The following MTA3 variants were observed in gnomAD, a reference collection of about 807,000 sequenced individuals.
MTA3 encodes metastasis-associated protein MTA3.
MTA3 carries 34 observed loss-of-function variants against 83.5 expected under a neutral mutation model. The ratio of observed to expected loss-of-function variants is 0.41; its 90% CI spans 0.31 to 0.54. MTA3 has a LOEUF of 0.54. MTA3 is among the 20% of genes least tolerant of loss of function. The pLI is 0.33. For synonymous variants in MTA3, 303 were observed against 252.7 expected, an observed-to-expected ratio of 1.20 and a Z score of -1.89; for missense variants, 761 against 726.4, an observed-to-expected ratio of 1.05 and a Z score of -0.55.
chr2:42,499,171 CTT>C (rs112147672), intron 2 of MTA3, among the ~76,000 whole-genome samples: 2 of 144,602 alleles, frequency 1.4e-5, no homozygotes. Flanking sequence ...GAGGGTAGAT[CTT>C]TTTTTTTTTT....
At chr2:42,539,083 T>C (rs1349283966) in intron 2 of MTA3, among the ~76,000 whole-genome samples, 12 of 152,004 alleles carry the variant, frequency 7.9e-5, no homozygotes, top group Admixed American at 5.9e-4. Context: ...CTGAAAAAAA[T>C]GTTATAAGTG....
intron 8 of MTA3, among the ~76,000 whole-genome samples, chr2:42,673,884 A>G (rs1691078427): frequency 6.6e-6 from 1 of 152,246 alleles, no homozygotes; most frequent in Non-Finnish European, 1.5e-5. Context: ...TGTCTTATTC[A>G]CAACACTTCT....
intron 8 of MTA3, among the ~76,000 whole-genome samples, chr2:42,667,409 A>C (rs184711146): frequency 1.3e-5 from 2 of 151,948 alleles, no homozygotes; most frequent in African/African-American, 2.4e-5. Flanking sequence ...CTAACTCTCC[A>C]TCCCCTCTGC....
In MTA3 at chr2:42,541,313, G is replaced by C. The variant is rs182286936; in HGVS notation, c.-140-29124G>C. On this transcript the variant is annotated intron_variant, in intron 2 of 17. Coordinates refer to the MTA3 transcript ENST00000405592. Reference sequence around the variant, plus strand: ...CCCAGAGTGCTGGGATTACAGGCGTGAGCCACTGCGCCCAGCCCAAATTTT... The same window carrying C: ...CCCAGAGTGCTGGGATTACAGGCGTCAGCCACTGCGCCCAGCCCAAATTTT... Among the ~76,000 whole-genome samples, 4 of 152,200 alleles carry C rather than the reference G, an allele frequency of 2.6e-5. No homozygotes were observed. In the East Asian group the frequency reaches 7.7e-4, roughly 29 times the overall value.
At chr2:42,504,378 T>C (rs576412039) in intron 2 of MTA3, among the ~76,000 whole-genome samples, 1 of 152,272 alleles carries the variant, frequency 6.6e-6, no homozygotes, top group South Asian at 2.1e-4. Flanking sequence ...TAGCTGGGAT[T>C]ACAGGCATGC....
intron 11 of MTA3, among the ~76,000 whole-genome samples, chr2:42,702,072 G>A (rs1024248377): frequency 1.3e-4 from 19 of 151,922 alleles, no homozygotes; most frequent in East Asian, 1.9e-4. Flanking sequence ...TTAGGCAGGC[G>A]TGGTGGCAGG....
At chr2:42,676,464 T>G (rs1288621953) in intron 8 of MTA3, among the ~76,000 whole-genome samples, 1 of 152,136 alleles carries the variant, frequency 6.6e-6, no homozygotes, top group Non-Finnish European at 1.5e-5. Flanking sequence ...GAGCCCCTGT[T>G]AATTATAAAA....
At chr2:42,591,215 T>A (rs943477018) in intron 3 of MTA3, among the ~76,000 whole-genome samples, 2 of 152,170 alleles carry the variant, frequency 1.3e-5, no homozygotes, top group South Asian at 4.1e-4. Flanking sequence ...TATGCAGGTG[T>A]TACCCAATTT....
At chr2:42,680,553 C>T (rs1691786340) in intron 8 of MTA3, among the ~76,000 whole-genome samples, 1 of 152,152 alleles carries the variant, frequency 6.6e-6, no homozygotes, top group Non-Finnish European at 1.5e-5. Flanking sequence ...AGAACTAGTT[C>T]TCACTTGGGC....
At position 42,641,579 on chromosome 2, in the gene MTA3, G is replaced by T. The variant is rs549986175; in HGVS notation, c.381+1343G>T. Reference sequence around the variant, plus strand: ...TTTTTTTTTTTCGGCCGAACGTGGTGGCTCACACATGTGATCCCAGCGCTT... The same window carrying T: ...TTTTTTTTTTTCGGCCGAACGTGGTTGCTCACACATGTGATCCCAGCGCTT... On this transcript the variant is annotated intron_variant, in intron 5 of 16. Transcript: ENST00000405094. Among the ~76,000 whole-genome samples, 13 of 152,036 alleles carry T rather than the reference G, an allele frequency of 8.6e-5. No individual in the cohort carries two copies. In the South Asian group the frequency reaches 2.7e-3, roughly 32 times the overall value.
chr2:42,526,810 C>CT (rs1243899877), intron 2 of MTA3, among the ~76,000 whole-genome samples: 1 of 151,976 alleles, frequency 6.6e-6, no homozygotes, highest in Non-Finnish European at 1.5e-5. Context: ...AATCCCAGCA[C>CT]TTTAGGAGGC....
chr2:42,753,373 G>C lies in MTA3; in HGVS notation c.1760-1G>C. ...TTCACACTGTTACTTCCCTTTTCTA[G>C]AACTCACGTGCTGTGTGTCAGACTG... On this transcript the variant is annotated splice_acceptor_variant, in intron 16 of 16. Coordinates refer to ENST00000405094, the MANE Select transcript of MTA3 (RefSeq NM_001330442.2). LOFTEE classifies it high-confidence loss of function. 2 of 1,550,480 alleles carry C rather than the reference G, an allele frequency of 1.3e-6. No homozygotes were observed. Among genetic ancestry groups the C allele is most frequent in the Non-Finnish European group, 1.7e-6 (2 of 1,146,968 alleles).
At chr2:42,660,886 G>A (rs1295471834) in intron 8 of MTA3, among the ~76,000 whole-genome samples, 1 of 152,150 alleles carries the variant, frequency 6.6e-6, no homozygotes, top group Admixed American at 6.5e-5. Context: ...CTATGTGATT[G>A]CCCAGGCTGG....
chr2:42,683,983 A>G (rs1692161585), intron 9 of MTA3, among the ~76,000 whole-genome samples: 1 of 152,116 alleles, frequency 6.6e-6, no homozygotes, highest in East Asian at 1.9e-4. Context: ...GAAAATACAT[A>G]TTTTCAAGGT....
chr2:42,708,493 T>C (rs898284632), intron 13 of MTA3, among the ~76,000 whole-genome samples: 1 of 152,134 alleles, frequency 6.6e-6, no homozygotes, highest in African/African-American at 2.4e-5. Context: ...TTTGGTAAAA[T>C]CCTCATAGGC....
chr2:42,604,149 C>G (rs1313196764), intron 3 of MTA3, among the ~76,000 whole-genome samples: 1 of 151,856 alleles, frequency 6.6e-6, no homozygotes, highest in Non-Finnish European at 1.5e-5. Context: ...TCAAGCGATT[C>G]TCCTGCCTGA....
intron 11 of MTA3, among the ~76,000 whole-genome samples, chr2:42,699,786 T>C (rs1693701026): frequency 6.6e-6 from 1 of 152,174 alleles, no homozygotes; most frequent in Non-Finnish European, 1.5e-5. Flanking sequence ...TGTCACCAAA[T>C]ACTGGATGTA....
chr2:42,499,757 C>A (rs1219503646), intron 2 of MTA3, among the ~76,000 whole-genome samples: 1 of 145,966 alleles, frequency 6.9e-6, no homozygotes, highest in East Asian at 2.0e-4. Flanking sequence ...CAATGCACTA[C>A]AGCCTAGGCA....
At chr2:42,659,738 C>A in intron 7 of MTA3, 25 bp from the exon 8 acceptor site, 1 of 1,476,712 alleles carries the variant, frequency 6.8e-7, no homozygotes, top group South Asian at 1.4e-5. Flanking sequence ...TTAATTCTTC[C>A]TTATTGTGTT....
Sources: gnomAD v4.1 joint callset for allele counts (sites outside exome capture counted in the v4.1 genomes callset) on GRCh38, gnomAD v4.1.1 for gene constraint, MANE v1.5 for transcripts, NCBI Gene and HGNC (gene_info 2026-07-23, HGNC 2026-07-21) for gene names.